The following SDK1 variants were observed in gnomAD, a reference collection of about 807,000 sequenced individuals.
SDK1 encodes sidekick cell adhesion molecule 1, also known as protein sidekick-1.
SDK1 carries 157 observed loss-of-function variants against 245.5 expected under a neutral mutation model. The ratio of observed to expected loss-of-function variants is 0.64; its 90% CI spans 0.56 to 0.73. The LOEUF is 0.73. Among genes scored for constraint, SDK1 ranks in the 30% least tolerant of loss-of-function variants. The probability of loss-of-function intolerance (pLI) is 0.00; values close to 1 mark genes in which losing one functional copy is unlikely to be tolerated. For missense variants in SDK1, 3,583 were observed against 3,002.3 expected, an observed-to-expected ratio of 1.19 and a Z score of -4.52; for synonymous variants, 1,647 against 1,278.5, an observed-to-expected ratio of 1.29 and a Z score of -6.15.
intron 17 of SDK1, among the ~76,000 whole-genome samples, chr7:4,043,297 G>A (rs1050899673): frequency 2.8e-5 from 4 of 144,810 alleles, no homozygotes; most frequent in African/African-American, 1.1e-4. Context: ...GTCACAGCCA[G>A]GGGCCCAGGT....
chr7:3,573,917 T>C (rs1780199018), intron 1 of SDK1, among the ~76,000 whole-genome samples: 1 of 152,064 alleles, frequency 6.6e-6, no homozygotes, highest in Non-Finnish European at 1.5e-5. Context: ...GTGTCCTTTT[T>C]ATGACAGGTT....
intron 1 of SDK1, among the ~76,000 whole-genome samples, chr7:3,582,683 T>TTAAAAAAAAAA (rs1780545607): frequency 5.7e-5 from 4 of 69,672 alleles, no homozygotes; most frequent in African/African-American, 2.3e-4. Flanking sequence ...TAAACTAAAG[T>TTAAAAAAAAAA]AAAAAAAAAA....
chr7:3,322,371 T>C (rs907126200), intron 1 of SDK1, among the ~76,000 whole-genome samples: 3 of 152,238 alleles, frequency 2.0e-5, no homozygotes, highest in Non-Finnish European at 4.4e-5. Context: ...ACAGTTTGTT[T>C]ATCCATTCAT....
At chr7:3,330,818 A>AC (rs1440433832) in intron 1 of SDK1, among the ~76,000 whole-genome samples, 13 of 151,282 alleles carry the variant, frequency 8.6e-5, no homozygotes, top group East Asian at 3.9e-4. Context: ...AAAAAAAAAA[A>AC]AAAAAAAAAA....
chr7:3,354,889 C>T (rs1780751851), intron 1 of SDK1, among the ~76,000 whole-genome samples: 2 of 152,296 alleles, frequency 1.3e-5, no homozygotes, highest in East Asian at 3.9e-4. Flanking sequence ...GTTAAAGAGG[C>T]CTCACTGCTG....
At chr7:3,527,382 T>C (rs899918317) in intron 1 of SDK1, among the ~76,000 whole-genome samples, 1 of 152,120 alleles carries the variant, frequency 6.6e-6, no homozygotes, top group African/African-American at 2.4e-5. Flanking sequence ...GCATGTGCTG[T>C]GGTCATGGAA....
chr7:3,396,690 C>A (rs865833352), intron 1 of SDK1, among the ~76,000 whole-genome samples: 55 of 151,594 alleles, frequency 3.6e-4, no homozygotes, highest in African/African-American at 1.1e-3. Context: ...TTACTGTTTT[C>A]ATGATATATC....
chr7:4,264,776 C>T (rs1788348161), intron 44 of SDK1, among the ~76,000 whole-genome samples: 1 of 152,068 alleles, frequency 6.6e-6, no homozygotes, highest in Non-Finnish European at 1.5e-5. Flanking sequence ...GTGTAGACCT[C>T]TCCTGGGGTG....
chr7:4,236,202 C>A (rs552478872), intron 41 of SDK1, among the ~76,000 whole-genome samples: 2 of 152,302 alleles, frequency 1.3e-5, no homozygotes, highest in African/African-American at 4.8e-5. Flanking sequence ...AATGCCTGGG[C>A]TTTGCCTGTG....
intron 5 of SDK1, among the ~76,000 whole-genome samples, chr7:3,853,938 G>A (rs193278770): frequency 5.3e-5 from 8 of 152,136 alleles, no homozygotes; most frequent in Admixed American, 1.3e-4. Context: ...GGAGTGAGCC[G>A]AGATTGCACC....
chr7:3,678,385 T>C (rs1255572118), intron 4 of SDK1, among the ~76,000 whole-genome samples: 1 of 152,334 alleles, frequency 6.6e-6, no homozygotes, highest in African/African-American at 2.4e-5. Context: ...CATCAGCAGA[T>C]GAATGGATTA....
chr7:4,106,342 C>T (rs1213693506), intron 22 of SDK1, among the ~76,000 whole-genome samples: 2 of 149,738 alleles, frequency 1.3e-5, no homozygotes, highest in South Asian at 2.1e-4. Flanking sequence ...CTCATTCTGT[C>T]ACCCAGCCTG....
chr7:3,455,022 T>A (rs894384426), intron 1 of SDK1, among the ~76,000 whole-genome samples: 1 of 152,222 alleles, frequency 6.6e-6, no homozygotes, highest in Non-Finnish European at 1.5e-5. Flanking sequence ...TTTTAGATAT[T>A]CTGATAGGTA....
intron 7 of SDK1, among the ~76,000 whole-genome samples, chr7:3,955,253 G>C (rs1251875024): frequency 6.6e-6 from 1 of 152,170 alleles, no homozygotes; most frequent in Non-Finnish European, 1.5e-5. Flanking sequence ...CTCCTGGCCA[G>C]GGGTCCCCTC....
At chr7:4,168,759 C>T (rs926354585) in intron 32 of SDK1, among the ~76,000 whole-genome samples, 1 of 152,172 alleles carries the variant, frequency 6.6e-6, no homozygotes, top group Non-Finnish European at 1.5e-5. Context: ...TGAAGGTGAC[C>T]TCAGGGCGAG....
In SDK1 at chr7:3,814,642, C is replaced by G. The variant is rs572693703; in HGVS notation, c.714-6808C>G. On this transcript the variant is annotated intron_variant, in intron 4 of 44. Coordinates refer to ENST00000404826, the MANE Select transcript of SDK1 (RefSeq NM_152744.4). Reference sequence around the variant, plus strand: ...AACTTTAAAGTAGTTTTTTCCAATTCTGTGAAGAAAGTCATTGGTAGCTTG... The same window carrying G: ...AACTTTAAAGTAGTTTTTTCCAATTGTGTGAAGAAAGTCATTGGTAGCTTG... 3.5e-4 allele frequency among the ~76,000 whole-genome samples: 53 copies of G among 152,138 alleles called. 1 individual carries two copies. Among genetic ancestry groups the G allele is most frequent in the Middle Eastern group, 3.4e-3 (1 of 294 alleles).
intron 4 of SDK1, among the ~76,000 whole-genome samples, chr7:3,746,077 C>T (rs1779608774): frequency 6.6e-6 from 1 of 152,132 alleles, no homozygotes; most frequent in African/African-American, 2.4e-5. Flanking sequence ...ATAATACAGG[C>T]ATACCTCTAA....
chr7:4,031,509 A>G (rs540948412), intron 17 of SDK1, among the ~76,000 whole-genome samples: 1 of 152,158 alleles, frequency 6.6e-6, no homozygotes, highest in South Asian at 2.1e-4. Flanking sequence ...GAGCAAAAGT[A>G]CAAAAACCTT....
intron 1 of SDK1, among the ~76,000 whole-genome samples, chr7:3,590,300 CTTTT>C (rs200303832): frequency 1.7e-4 from 16 of 96,132 alleles, no homozygotes; most frequent in East Asian, 6.7e-4. Context: ...TTTCCTGTTC[CTTTT>C]TTTTTTTTTT....
Sources: gnomAD v4.1 joint callset for allele counts (sites outside exome capture counted in the v4.1 genomes callset) on GRCh38, gnomAD v4.1.1 for gene constraint, MANE v1.5 for transcripts, NCBI Gene and HGNC (gene_info 2026-07-23, HGNC 2026-07-21) for gene names.